Variants in HERC1 observed in about 807,000 individuals in gnomAD.
The protein encoded by HERC1 is probable E3 ubiquitin-protein ligase HERC1.
A neutral mutation model predicts 554.3 loss-of-function variants in HERC1; 160 were observed. The observed-to-expected ratio is 0.29, with a 90% CI of 0.25 to 0.33. The LOEUF is 0.33. Among genes scored for constraint, HERC1 ranks in the 10% least tolerant of loss-of-function variants. The probability of loss-of-function intolerance (pLI) is 1.00; values close to 1 mark genes in which losing one functional copy is unlikely to be tolerated. For missense variants in HERC1, 4,919 were observed against 5,918.5 expected (o/e 0.83, Z 5.54); for synonymous variants, 2,175 against 2,131.7 (o/e 1.02, Z -0.56).
chr15:63,777,612 C>T (rs1213216779), intron 1 of HERC1, among the ~76,000 whole-genome samples: 3 of 152,192 alleles, frequency 2.0e-5, no homozygotes, highest in Non-Finnish European at 2.9e-5. Flanking sequence ...ATCTTGTCAA[C>T]TTGTAAAAGT....
intron 68 of HERC1, among the ~76,000 whole-genome samples, chr15:63,631,000 G>T (rs762804702): frequency 6.6e-6 from 1 of 152,120 alleles, no homozygotes; most frequent in Non-Finnish European, 1.5e-5. Flanking sequence ...TTGAGACAGG[G>T]TCTCGCTCTG....
chr15:63,621,170 C>T (rs1176606089), intron 74 of HERC1, among the ~76,000 whole-genome samples: 1 of 152,164 alleles, frequency 6.6e-6, no homozygotes, highest in East Asian at 1.9e-4. Flanking sequence ...CCTTCAGGAG[C>T]TCTTTTAGGG....
At chr15:63,819,252 G>A (rs887113508) in intron 1 of HERC1, among the ~76,000 whole-genome samples, 1 of 152,134 alleles carries the variant, frequency 6.6e-6, no homozygotes, top group Non-Finnish European at 1.5e-5. Context: ...TAGAGGTTGA[G>A]ATTATTCAGG....
At chr15:63,651,786 C>T (rs2069696908) in intron 52 of HERC1, among the ~76,000 whole-genome samples, 1 of 152,142 alleles carries the variant, frequency 6.6e-6, no homozygotes, top group African/African-American at 2.4e-5. Flanking sequence ...CATCTGTAAT[C>T]CCAGCATTTG....
At chr15:63,778,651 T>C (rs891320734) in intron 1 of HERC1, among the ~76,000 whole-genome samples, 7 of 152,308 alleles carry the variant, frequency 4.6e-5, no homozygotes, top group African/African-American at 1.7e-4. Flanking sequence ...GCTATTGTAT[T>C]TGGACTTTGC....
chr15:63,678,190 T>C lies in HERC1; in HGVS notation c.6725A>G (p.His2242Arg), dbSNP rs754342172. Reference protein sequence around the residue: ...CINKKMMERLHKIKICIKESG... With the variant: ...CINKKMMERLRKIKICIKESG... ...CTCTTTAATACATATCTTAATTTTG[T>C]GAAGCCTTTCCATCATTTTTTTGTT... is the stretch of plus-strand genomic sequence containing the variant. Residue 2242 changes from histidine to arginine, a missense_variant, in exon 37 of 78, where the codon CAC (histidine) becomes CGC (arginine). This residue lies in a region of HERC1 where 1,963 missense variants were observed against 2,228.6 expected (regional missense o/e 0.88). Transcript: ENST00000443617. The C allele has an allele frequency of 6.2e-7, 1 of 1,614,028 alleles. No homozygotes were observed.
At chr15:63,774,032 G>A (rs920325494) in intron 2 of HERC1, among the ~76,000 whole-genome samples, 5 of 151,932 alleles carry the variant, frequency 3.3e-5, no homozygotes, top group African/African-American at 1.2e-4. Flanking sequence ...TCTTTCCTTA[G>A]CTCATCACTT....
At chr15:63,822,446 C>T (rs535171027) in intron 1 of HERC1, among the ~76,000 whole-genome samples, 83 of 151,970 alleles carry the variant, frequency 5.5e-4, no homozygotes, top group African/African-American at 1.9e-3. Context: ...ATTAGCCGGG[C>T]GTGGTGGCGT....
Position 63,696,287 on chromosome 15 carries a change from T to C in HERC1, c.4958A>G (p.Glu1653Gly), listed in dbSNP as rs751421229. The change falls in exon 27 of 78, where the codon GAA (glutamate) becomes GGA (glycine). Residue 1653 changes from glutamate to glycine, a missense_variant. Physicochemically the swap from Glu to Gly is moderately conservative, Grantham distance 98. Transcript: ENST00000443617. ...TCCTGCCAGTGAGATGCTACCTTTT[T>C]CTTCCATCCCAGACAATAGAACGAG... Reference protein sequence around the residue: ...QILVLLSGMEEKGSISLAGSR... With the variant: ...QILVLLSGMEGKGSISLAGSR... The C allele has an allele frequency of 3.1e-6, 5 of 1,613,372 alleles. No homozygotes were observed. Among genetic ancestry groups the C allele is most frequent in the Non-Finnish European group, 4.2e-6 (5 of 1,179,662 alleles).
intron 24 of HERC1, 61 bp from the exon 25 acceptor site, chr15:63,706,892 AT>A (rs2073036656): frequency 1.9e-6 from 2 of 1,063,596 alleles, no homozygotes; most frequent in East Asian, 5.2e-5. Context: ...TAAGATTAAG[AT>A]TTAATAGAGT....
intron 66 of HERC1, 60 bp downstream of exon 66, chr15:63,634,673 G>A (rs1284506380): frequency 2.3e-5 from 34 of 1,451,808 alleles, no homozygotes; most frequent in Non-Finnish European, 3.0e-5. Flanking sequence ...GTGTCTAAGC[G>A]AACACAGAAG....
Position 63,628,669 on chromosome 15 carries a change from T to C in HERC1, c.13105+8A>G. On this transcript the variant is annotated splice_region_variant and intron_variant, in intron 70 of 77. Coordinates refer to ENST00000443617, the MANE Select transcript of HERC1 (RefSeq NM_003922.4). ...ACGCTGCAGGAGCATGAATATTTCATTCCTCACCTGGTGCTCTTGGTGGGA... is the reference window on the plus strand; with the variant it reads ...ACGCTGCAGGAGCATGAATATTTCACTCCTCACCTGGTGCTCTTGGTGGGA... 3 of 1,605,150 alleles carry C rather than the reference T, an allele frequency of 1.9e-6. No homozygotes were observed. The highest frequency in any genetic ancestry group is 8.5e-7 in the Non-Finnish European group (1 of 1,176,718).
At position 63,728,053 on chromosome 15, in the gene HERC1, G is replaced by A. The variant is rs74021329; in HGVS notation, c.3155-215C>T. 0.017 allele frequency among the ~76,000 whole-genome samples: 2,652 copies of A among 152,154 alleles called. 64 individuals carry two copies. The highest frequency in any genetic ancestry group is 0.061 in the African/African-American group (2,541 of 41,496). ...TTATAGGAAAGCATATGTATTCTCC[G>A]TACCAACAAATTCAAAGGATTAAAA... On this transcript the variant is annotated intron_variant, in intron 16 of 77. Coordinates refer to ENST00000443617, the MANE Select transcript of HERC1 (RefSeq NM_003922.4).
intron 7 of HERC1, among the ~76,000 whole-genome samples, chr15:63,754,068 G>T (rs796503827): frequency 4.1e-4 from 63 of 152,110 alleles, no homozygotes; most frequent in African/African-American, 1.4e-3. Flanking sequence ...CAGCTACTTG[G>T]GGGGCTGAGG....
chr15:63,828,039 T>C (rs750743848), intron 1 of HERC1, among the ~76,000 whole-genome samples: 1 of 151,692 alleles, frequency 6.6e-6, no homozygotes, highest in African/African-American at 2.4e-5. Flanking sequence ...CGGAATTAGA[T>C]AGTTGTGATG....
At chr15:63,696,085 G>A (rs376413220) in intron 27 of HERC1, 39 bp downstream of exon 27, 3 of 1,402,504 alleles carry the variant, frequency 2.1e-6, no homozygotes, top group Non-Finnish European at 3.0e-6. Context: ...TTTGTAAAAT[G>A]ACAGTTAAAA....
intron 1 of HERC1, among the ~76,000 whole-genome samples, chr15:63,804,970 A>G (rs2077095197): frequency 6.6e-6 from 1 of 152,206 alleles, no homozygotes. Flanking sequence ...ACCAGTGTGT[A>G]GAACTCTCAT....
chr15:63,676,513 T>G (rs962520542), intron 37 of HERC1, among the ~76,000 whole-genome samples: 1 of 152,070 alleles, frequency 6.6e-6, no homozygotes, highest in African/African-American at 2.4e-5. Flanking sequence ...TCTCAGCACT[T>G]TGGGAGGCCG....
chr15:63,612,578 C>A lies in HERC1; in HGVS notation c.14095-22G>T. 1 of 1,603,944 alleles carries A rather than the reference C, an allele frequency of 6.2e-7. No individual in the cohort carries two copies. The highest frequency in any genetic ancestry group is 1.1e-5 in the South Asian group (1 of 89,024). ...CCACCTGCTCCCGGGAGAGGTTGCTCATTCAATGAGTGTGCGTGAACCTGG... is the reference window on the plus strand; with the variant it reads ...CCACCTGCTCCCGGGAGAGGTTGCTAATTCAATGAGTGTGCGTGAACCTGG... On this transcript the variant is annotated intron_variant, in intron 76 of 77. Coordinates refer to ENST00000443617, the MANE Select transcript of HERC1 (RefSeq NM_003922.4). This position sits in a 1 kb window ranked among gnomAD's most constrained non-coding sequence, Gnocchi z 5.0.
Sources: allele counts gnomAD v4.1 joint callset (sites outside exome capture counted in the v4.1 genomes callset), GRCh38; gene constraint gnomAD v4.1.1; regional missense constraint gnomAD v4.1.1; non-coding constraint Gnocchi (gnomAD v3.1); transcripts MANE v1.5; gene names NCBI Gene and HGNC (gene_info 2026-07-23, HGNC 2026-07-21).